CCDC174: variants seen among roughly 807,000 people sequenced by gnomAD.
CCDC174 encodes the protein coiled-coil domain containing 174, also known as coiled-coil domain-containing protein 174.
Under a neutral mutation model 57.1 loss-of-function variants are expected in CCDC174, and 37 were observed. The ratio of observed to expected loss-of-function variants is 0.65; its 90% CI spans 0.50 to 0.85. The LOEUF is 0.85. Among genes scored for constraint, CCDC174 ranks in the 40% least tolerant of loss-of-function variants. The pLI is 0.00. For missense variants in CCDC174, 540 were observed against 574.3 expected (o/e 0.94, Z 0.61); for synonymous variants, 182 against 190.2 (o/e 0.96, Z 0.35).
chr3:14,668,147 A>G lies in CCDC174; in HGVS notation c.918A>G (p.Lys306=). 1 of 1,611,960 alleles carries G rather than the reference A, an allele frequency of 6.2e-7. No homozygotes were observed. Among genetic ancestry groups the G allele is most frequent in the Non-Finnish European group, 8.5e-7 (1 of 1,179,274 alleles). ...LAKLRQKKMK[K]SKEGGTEEEN... ...AACTTCGACAAAAAAAGATGAAAAAATCAAAAGAAGGTGGAACAGAAGAAG... is the reference window on the plus strand; with the variant it reads ...AACTTCGACAAAAAAAGATGAAAAAGTCAAAAGAAGGTGGAACAGAAGAAG... The change falls in exon 9 of 11, where the codon AAA becomes AAG. Residue 306 remains lysine, a synonymous_variant. Coordinates refer to ENST00000383794, the MANE Select transcript of CCDC174 (RefSeq NM_016474.5).
At position 14,661,559 on chromosome 3, in the gene CCDC174, G is replaced by C; in HGVS notation, c.337G>C (p.Asp113His). ...AGAAGTAGAGGATATGTACCTTGTGGATTTCACACAGAAGATCATAGACAA... is the reference window on the plus strand; with the variant it reads ...AGAAGTAGAGGATATGTACCTTGTGCATTTCACACAGAAGATCATAGACAA... Reference protein sequence around the residue: ...DEEVEDMYLVDFTQKIIDKRK... With the variant: ...DEEVEDMYLVHFTQKIIDKRK... Residue 113 changes from aspartate (D) to histidine (H), a missense_variant, in exon 5 of 11, where the codon GAT (aspartate) becomes CAT (histidine). Asp to His is a moderately conservative substitution (Grantham distance 81). Coordinates refer to ENST00000383794, the MANE Select transcript of CCDC174 (RefSeq NM_016474.5). 1 of 1,613,676 alleles carries C rather than the reference G, an allele frequency of 6.2e-7. No homozygotes were observed. Among genetic ancestry groups the C allele is most frequent in the Non-Finnish European group, 8.5e-7 (1 of 1,179,892 alleles).
intron 1 of CCDC174, among the ~76,000 whole-genome samples, chr3:14,652,915 C>CGGGG (rs56882357): frequency 2.8e-5 from 3 of 105,692 alleles, no homozygotes; most frequent in African/African-American, 1.1e-4. Flanking sequence ...GGGCGGGGGG[C>CGGGG]GGGGGGAAGA....
intron 4 of CCDC174, among the ~76,000 whole-genome samples, chr3:14,660,135 A>G (rs934313248): frequency 6.6e-6 from 1 of 152,236 alleles, no homozygotes; most frequent in African/African-American, 2.4e-5. Context: ...GCCGCCTACC[A>G]GGAGGCCTCA....
At position 14,658,903 on chromosome 3, in the gene CCDC174, A is replaced by C. The variant is rs1559380105; in HGVS notation, c.281A>C (p.Glu94Ala). The C allele has an allele frequency of 6.5e-7, 1 of 1,529,290 alleles. No homozygotes were observed. Among genetic ancestry groups the C allele is most frequent in the Non-Finnish European group, 9.0e-7 (1 of 1,116,986 alleles). 94.7% of individuals were successfully genotyped at this position (1,529,290 alleles called of 1,614,324 possible). The change falls in exon 4 of 11, where the codon GAA (glutamate) becomes GCA (alanine). Residue 94 changes from glutamate (E) to alanine (A), a missense_variant. Transcript: ENST00000383794. Reference sequence around the variant, plus strand: ...TTGGAAGAAAAAGCCAAATTATATGAAAAAATGACTAAAGGAGACTTTATA... The same window carrying C: ...TTGGAAGAAAAAGCCAAATTATATGCAAAAATGACTAAAGGAGACTTTATA... ...EKLEEKAKLY[E>A]KMTKGDFIDE...
intron 10 of CCDC174, 138 bp from the exon 11 acceptor site, chr3:14,670,757 GT>G: frequency 1.4e-6 from 1 of 710,674 alleles, no homozygotes; most frequent in Non-Finnish European, 2.3e-6. Flanking sequence ...TTGTAATATA[GT>G]TTTGCTGTTG....
Position 14,665,263 on chromosome 3 carries a change from A to ATTGG in CCDC174, c.581+140_581+141insTTGG, listed in dbSNP as rs1553606987. 0.44 allele frequency: 289,351 copies of ATTGG among 657,942 alleles called. 71,886 individuals carry two copies. The highest frequency in any genetic ancestry group is 0.61 in the South Asian group (33,593 of 55,282). The allele number at this position is 657,942 out of a possible 1,614,324, so 40.8% of individuals were successfully genotyped here. ...TATTGATTGATTGATTGATTGATTG[A>ATTGG]AGCACTTTTTAGTGGTTAGCATGCA... On this transcript the variant is annotated intron_variant, in intron 6 of 10. Transcript: ENST00000383794.
intron 10 of CCDC174, 117 bp downstream of exon 10, chr3:14,670,203 T>C: frequency 9.9e-7 from 1 of 1,007,250 alleles, no homozygotes; most frequent in Non-Finnish European, 1.4e-6. Context: ...TTTTACAGCT[T>C]TGGAATGCCA....
intron 3 of CCDC174, among the ~76,000 whole-genome samples, chr3:14,656,444 A>G (rs977762868): frequency 6.6e-6 from 1 of 152,192 alleles, no homozygotes; most frequent in African/African-American, 2.4e-5. Context: ...CCCACAACCA[A>G]TTAGAGTCGT....
At chr3:14,670,352 G>T (rs2031471745) in intron 10 of CCDC174, among the ~76,000 whole-genome samples, 1 of 152,180 alleles carries the variant, frequency 6.6e-6, no homozygotes, top group South Asian at 2.1e-4. Context: ...GTTCCATTGG[G>T]GAATTTCCCT....
In CCDC174 at chr3:14,670,076, C is replaced by T; in HGVS notation, c.1095C>T (p.Asp365=). 6.2e-7 allele frequency: 1 copy of T among 1,609,074 alleles called. No individual in the cohort carries two copies. Among genetic ancestry groups the T allele is most frequent in the Non-Finnish European group, 8.5e-7 (1 of 1,178,568 alleles). ...KPGVPHIREW[D]RGKEFSFGYW... ...GAGTGCCACACATCCGGGAGTGGGA[C>T]CGCGGAAAAGGTAAGGGAGGTGGGC... The change falls in exon 10 of 11, where the codon GAC becomes GAT. Residue 365 remains aspartate (D), a synonymous_variant. Transcript: ENST00000383794.
At chr3:14,660,725 A>ATTT (rs2031102816) in intron 4 of CCDC174, among the ~76,000 whole-genome samples, 1 of 152,128 alleles carries the variant, frequency 6.6e-6, no homozygotes, top group Admixed American at 6.5e-5. Flanking sequence ...GGTGGGGAAA[A>ATTT]CACCACCCCT....
At position 14,658,858 on chromosome 3, in the gene CCDC174, T is replaced by A. The variant is rs2031039435; in HGVS notation, c.249-13T>A. On this transcript the variant is annotated splice_polypyrimidine_tract_variant and intron_variant, in intron 3 of 10. Transcript: ENST00000383794. ...TAAGACCATTTCTAATACTTGTATT[T>A]TTTTTCTCCTAGGGAAAAATTGGAA... 1 of 1,544,540 alleles carries A rather than the reference T, an allele frequency of 6.5e-7. No individual in the cohort carries two copies. Among genetic ancestry groups the A allele is most frequent in the Non-Finnish European group, 8.8e-7 (1 of 1,130,920 alleles).
rs1392585776 is a variant in CCDC174 at position 14,671,172 on chromosome 3, C to T, written c.1382C>T (p.Ser461Phe). 6.2e-7 allele frequency: 1 copy of T among 1,610,648 alleles called. No individual in the cohort carries two copies. Among genetic ancestry groups the T allele is most frequent in the Non-Finnish European group, 8.5e-7 (1 of 1,177,458 alleles). The part of the protein sequence containing the change: ...VTFKTLDDMI[S>F]YYKQVT The stretch of plus-strand genomic sequence containing the variant: ...TTCAAAACTCTGGATGACATGATTT[C>T]CTATTACAAACAAGTGACATGATCT... Residue 461 changes from serine (S) to phenylalanine (F), a missense_variant, in exon 11 of 11, where the codon TCC (serine) becomes TTC (phenylalanine). Ser to Phe is a radical substitution (Grantham distance 155, BLOSUM62 -2). Transcript: ENST00000383794.
intron 5 of CCDC174, among the ~76,000 whole-genome samples, chr3:14,664,020 G>A (rs564997584): frequency 1.3e-5 from 2 of 152,112 alleles, no homozygotes; most frequent in African/African-American, 4.8e-5. Flanking sequence ...AGACCATCTG[G>A]CTAGATGGTT....
chr3:14,668,522 T>TTA (rs950653017), intron 9 of CCDC174, among the ~76,000 whole-genome samples: 2 of 152,132 alleles, frequency 1.3e-5, no homozygotes, highest in Admixed American at 6.5e-5. Context: ...ATTGGTTATT[T>TTA]TATATATATA....
At position 14,651,896 on chromosome 3, in the gene CCDC174, G is replaced by A; in HGVS notation, c.42+18G>A. 3 of 1,612,884 alleles carry A rather than the reference G, an allele frequency of 1.9e-6. No homozygotes were observed. Among genetic ancestry groups the A allele is most frequent in the Non-Finnish European group, 2.5e-6 (3 of 1,178,972 alleles). On this transcript the variant is annotated intron_variant, in intron 1 of 10. Coordinates refer to ENST00000383794, the MANE Select transcript of CCDC174 (RefSeq NM_016474.5). The stretch of plus-strand genomic sequence containing the variant: ...CCTCCTCGGTGAGTGAGGGTATGAG[G>A]TAACTCCACGGGCTCCGGGTTCACC...
At chr3:14,667,986 C>G (rs368371038) in intron 8 of CCDC174, 63 bp from the exon 9 acceptor site, 23 of 1,506,904 alleles carry the variant, frequency 1.5e-5, no homozygotes, top group Non-Finnish European at 2.0e-5. Context: ...AAAATTTCAT[C>G]TTTTTGGACA....
At chr3:14,670,164 A>G in intron 10 of CCDC174, 78 bp downstream of exon 10, 2 of 1,419,392 alleles carry the variant, frequency 1.4e-6, no homozygotes, top group Non-Finnish European at 1.9e-6. Context: ...CACTTGGGGT[A>G]AGTTTTAACT....
Position 14,655,638 on chromosome 3 carries a change from A to C in CCDC174, c.248+9A>C, listed in dbSNP as rs765388143. The C allele has an allele frequency of 7.7e-6, 12 of 1,561,584 alleles. No individual in the cohort carries two copies. The highest frequency in any genetic ancestry group is 1.7e-5 in the Admixed American group (1 of 57,508). ...ACTTTAGACAAAGCAAGGTAAAGTT[A>C]TAAGCTCTGGTAAATATAGTTAGCT... On this transcript the variant is annotated intron_variant, in intron 3 of 10. Transcript: ENST00000383794.
Sources: gnomAD v4.1 joint callset for allele counts (sites outside exome capture counted in the v4.1 genomes callset) on GRCh38, gnomAD v4.1.1 for gene constraint, MANE v1.5 for transcripts, NCBI Gene and HGNC (gene_info 2026-07-23, HGNC 2026-07-21) for gene names.